The following KCNJ6 variants were observed in gnomAD, a reference collection of about 807,000 sequenced individuals.
KCNJ6 encodes the protein potassium inwardly rectifying channel subfamily J member 6.
Under a neutral mutation model 34.2 loss-of-function variants are expected in KCNJ6, and 9 were observed. The observed-to-expected ratio is 0.26, with a 90% CI of 0.16 to 0.46. The LOEUF is 0.46. Among genes scored for constraint, KCNJ6 ranks in the 20% least tolerant of loss-of-function variants. KCNJ6 has a pLI of 1.00. For synonymous variants in KCNJ6, 196 were observed against 207.1 expected (o/e 0.95, Z 0.46); for missense variants, 236 against 531.3 (o/e 0.44, Z 5.46).
rs555574749 is a variant in KCNJ6, at chr21:37,619,061, A to T, written c.*6098T>A. ...GATACCATTACCTACTTAGTTTCAG[A>T]CGCAGGATCAAATCCATCCTTTATC... On this transcript the variant is annotated 3_prime_UTR_variant, in exon 4 of 4. Coordinates refer to ENST00000609713, the MANE Select transcript of KCNJ6 (RefSeq NM_002240.5). 3.3e-5 allele frequency: 5 copies of T among 152,366 alleles called. No homozygotes were observed. Among genetic ancestry groups the T allele is most frequent in the Non-Finnish European group, 5.9e-5 (4 of 68,042 alleles). The allele number at this position is 152,366 out of a possible 1,614,324, so 9.4% of individuals were successfully genotyped here.
At position 37,616,608 on chromosome 21, in the gene KCNJ6, T is replaced by TATATATATATATATATATATATATATAC. The variant is rs1410739814; in HGVS notation, c.*8550_*8551insGTATATATATATATATATATATATATAT. ...AAATGTACATATATATATATATATA[T>TATATATATATATATATATATATATATAC]ATATATATGGTTAGACTCTGAACAT... On this transcript the variant is annotated 3_prime_UTR_variant, in exon 4 of 4. Coordinates refer to ENST00000609713, the MANE Select transcript of KCNJ6 (RefSeq NM_002240.5). The TATATATATATATATATATATATATATAC allele has an allele frequency of 2.3e-4, 29 of 127,566 alleles. No homozygotes were observed. The highest frequency in any genetic ancestry group is 8.3e-3 in the Middle Eastern group (2 of 240). 7.9% of individuals were successfully genotyped at this position (127,566 alleles called of 1,614,324 possible).
chr21:37,644,045 TA>T (rs1211608082), intron 3 of KCNJ6, among the ~76,000 whole-genome samples: 4 of 152,100 alleles, frequency 2.6e-5, no homozygotes, highest in African/African-American at 4.8e-5. Context: ...TATGCAGCCA[TA>T]AAAAAGAATG....
At chr21:37,865,246 A>G (rs2123606642) in intron 1 of KCNJ6, among the ~76,000 whole-genome samples, 1 of 152,364 alleles carries the variant, frequency 6.6e-6, no homozygotes, top group African/African-American at 2.4e-5. Context: ...TGTATTTTTA[A>G]CGTGATGCTG....
intron 1 of KCNJ6, among the ~76,000 whole-genome samples, chr21:37,868,554 A>C (rs746445641): frequency 5.9e-5 from 9 of 152,200 alleles, no homozygotes; most frequent in Non-Finnish European, 1.2e-4. Flanking sequence ...GAGGAGAAAC[A>C]TCTCTCTGGG....
At chr21:37,745,097 TTTTTTTTTTTTTTGACA>T in intron 2 of KCNJ6, among the ~76,000 whole-genome samples, 1 of 68,656 alleles carries the variant, frequency 1.5e-5, no homozygotes, top group East Asian at 5.4e-4. Flanking sequence ...TTTTTTTTTT[TTTTTTTTTTTTTTGACA>T]GACAGGGTCT....
chr21:37,845,929 G>A (rs943634923), intron 1 of KCNJ6, among the ~76,000 whole-genome samples: 4 of 151,924 alleles, frequency 2.6e-5, no homozygotes, highest in African/African-American at 4.8e-5. Flanking sequence ...ACTTAAAGTC[G>A]TATTGTTGTA....
intron 1 of KCNJ6, among the ~76,000 whole-genome samples, chr21:37,904,002 C>G (rs77565141): frequency 1.3e-5 from 2 of 152,108 alleles, no homozygotes; most frequent in East Asian, 3.8e-4. Flanking sequence ...TTAAGAAAAC[C>G]TTATTAATGC....
intron 2 of KCNJ6, among the ~76,000 whole-genome samples, chr21:37,834,920 C>G (rs755768089): frequency 6.6e-6 from 1 of 152,132 alleles, no homozygotes; most frequent in Admixed American, 6.5e-5. Flanking sequence ...AGCTGCTGCT[C>G]TGTTATTTAT....
In KCNJ6 at chr21:37,619,544, A is replaced by G. The variant is rs1466902619; in HGVS notation, c.*5615T>C. 1 of 152,222 alleles carries G rather than the reference A, an allele frequency of 6.6e-6. No homozygotes were observed. Among genetic ancestry groups the G allele is most frequent in the Non-Finnish European group, 1.5e-5 (1 of 68,040 alleles). The allele number at this position is 152,222 out of a possible 1,614,324, so 9.4% of individuals were successfully genotyped here. On this transcript the variant is annotated 3_prime_UTR_variant, in exon 4 of 4. Coordinates refer to ENST00000609713, the MANE Select transcript of KCNJ6 (RefSeq NM_002240.5). ...GGCTAGAGAGAGCAAAAACTAGCGC[A>G]ATTAAACATGAGCTAGTTCCAGGTT...
intron 1 of KCNJ6, among the ~76,000 whole-genome samples, chr21:37,864,584 C>T (rs1199998150): frequency 1.3e-5 from 2 of 152,132 alleles, no homozygotes; most frequent in African/African-American, 4.8e-5. Context: ...GATTAGGTAG[C>T]TTCAAATACA....
In KCNJ6 at chr21:37,695,787, C is replaced by T. The variant is rs959636128; in HGVS notation, c.946+18424G>A. Among the ~76,000 whole-genome samples the T allele has an allele frequency of 1.5e-4, 23 of 152,282 alleles. No homozygotes were observed. The highest frequency in any genetic ancestry group is 3.9e-4 in the East Asian group (2 of 5,180). On this transcript the variant is annotated intron_variant, in intron 3 of 3. Transcript: ENST00000609713. The surrounding 1 kb of genome is among the most constrained non-coding windows in gnomAD (Gnocchi z 4.2). ...TATGTCTTGGCTTCTAAAGACCATT[C>T]CCTAGTAAAAGGAACAAGGAATCTT...
chr21:37,868,057 C>T (rs9974448), intron 1 of KCNJ6, among the ~76,000 whole-genome samples: 47,178 of 152,076 alleles, frequency 0.31, 8,522 homozygotes, highest in African/African-American at 0.5. Context: ...ACCTCACAGC[C>T]AGCTGGGAGA....
At chr21:37,825,112 G>T (rs2055392761) in intron 2 of KCNJ6, among the ~76,000 whole-genome samples, 1 of 152,096 alleles carries the variant, frequency 6.6e-6, no homozygotes, top group African/African-American at 2.4e-5. Context: ...ATGATGTGGG[G>T]TATTCTCTCC....
At chr21:37,893,746 T>G (rs1456061675) in intron 1 of KCNJ6, among the ~76,000 whole-genome samples, 1 of 151,360 alleles carries the variant, frequency 6.6e-6, no homozygotes, top group Non-Finnish European at 1.5e-5. Context: ...GCAGCTGACA[T>G]TTCTTTGATC....
intron 3 of KCNJ6, among the ~76,000 whole-genome samples, chr21:37,631,965 A>G (rs1415798850): frequency 6.6e-6 from 1 of 151,958 alleles, no homozygotes; most frequent in Admixed American, 6.6e-5. Flanking sequence ...TTGTGGCTGC[A>G]TTTTCCTCTT....
At chr21:37,908,852 G>A (rs927315014) in intron 1 of KCNJ6, among the ~76,000 whole-genome samples, 9 of 152,200 alleles carry the variant, frequency 5.9e-5, no homozygotes, top group African/African-American at 2.2e-4. Context: ...CACATTAGCT[G>A]TATTTCTTTG....
chr21:37,697,111 G>T (rs1256029295), intron 3 of KCNJ6, among the ~76,000 whole-genome samples: 2 of 152,210 alleles, frequency 1.3e-5, no homozygotes, highest in Non-Finnish European at 2.9e-5. Flanking sequence ...GCTCAGCATG[G>T]TGCCAAGGGG....
At chr21:37,757,963 C>G (rs928550822) in intron 2 of KCNJ6, among the ~76,000 whole-genome samples, 1 of 152,226 alleles carries the variant, frequency 6.6e-6, no homozygotes, top group Non-Finnish European at 1.5e-5. Flanking sequence ...CAGCAGGTGT[C>G]CCTGCATTCA....
chr21:37,846,353 C>CTGTG (rs55697215), intron 1 of KCNJ6, among the ~76,000 whole-genome samples: 2,851 of 144,836 alleles, frequency 0.02, 38 homozygotes, highest in Middle Eastern at 0.031. Flanking sequence ...CTGAGACACT[C>CTGTG]TGTGTGTGTG....
Sources: gnomAD v4.1 joint callset for allele counts (sites outside exome capture counted in the v4.1 genomes callset) on GRCh38, gnomAD v4.1.1 for gene constraint, Gnocchi (gnomAD v3.1) non-coding constraint, MANE v1.5 for transcripts, NCBI Gene and HGNC (gene_info 2026-07-23, HGNC 2026-07-21) for gene names.